Variants in FCHSD2 observed in about 807,000 individuals in gnomAD.
The protein encoded by FCHSD2 is F-BAR and double SH3 domains protein 2.
A neutral mutation model predicts 108.1 loss-of-function variants in FCHSD2; 38 were observed. The ratio of observed to expected loss-of-function variants is 0.35; its 90% CI spans 0.27 to 0.46. The LOEUF is 0.46. Among genes scored for constraint, FCHSD2 ranks in the 20% least tolerant of loss-of-function variants. FCHSD2 has a pLI of 1.00. For missense variants in FCHSD2, 751 were observed against 897.8 expected, an observed-to-expected ratio of 0.84 and a Z score of 2.09; for synonymous variants, 279 against 314.7, an observed-to-expected ratio of 0.89 and a Z score of 1.20.
chr11:72,961,063 C>CA (rs2135372468), intron 8 of FCHSD2, among the ~76,000 whole-genome samples: 1 of 152,244 alleles, frequency 6.6e-6, no homozygotes, highest in Admixed American at 6.5e-5. Flanking sequence ...TAGCACTGCT[C>CA]AAACCTAATG....
At chr11:73,080,427 C>T (rs1031173361) in intron 3 of FCHSD2, among the ~76,000 whole-genome samples, 1 of 150,732 alleles carries the variant, frequency 6.6e-6, no homozygotes, top group African/African-American at 2.4e-5. Flanking sequence ...CACACAGATA[C>T]ACAGCATAAA....
intron 14 of FCHSD2, among the ~76,000 whole-genome samples, chr11:72,844,866 G>A (rs185865193): frequency 6.6e-6 from 1 of 152,204 alleles, no homozygotes; most frequent in Admixed American, 6.5e-5. Flanking sequence ...CCAGATTCTG[G>A]ATGTTGCCAT....
chr11:72,990,777 C>T (rs1042121227), intron 5 of FCHSD2, among the ~76,000 whole-genome samples: 4 of 152,112 alleles, frequency 2.6e-5, no homozygotes, highest in African/African-American at 4.8e-5. Flanking sequence ...AAATTGACAA[C>T]CTAACATGAC....
intron 3 of FCHSD2, among the ~76,000 whole-genome samples, chr11:73,049,873 A>T (rs748757363): frequency 1.2e-5 from 1 of 81,818 alleles, no homozygotes; most frequent in Non-Finnish European, 3.2e-5. Flanking sequence ...AAAGGACCAT[A>T]AAAAAAAAAT....
intron 4 of FCHSD2, among the ~76,000 whole-genome samples, chr11:73,004,611 T>C (rs1392466272): frequency 1.5e-4 from 23 of 152,172 alleles, no homozygotes. Context: ...ATGTATGCCC[T>C]TTTTACCCTT....
intron 2 of FCHSD2, among the ~76,000 whole-genome samples, chr11:73,121,193 G>A (rs538514148): frequency 6.7e-6 from 1 of 150,300 alleles, no homozygotes; most frequent in East Asian, 1.9e-4. Context: ...ACACACACAC[G>A]CATGCACGCA....
At chr11:73,113,705 G>A (rs189078294) in intron 2 of FCHSD2, among the ~76,000 whole-genome samples, 38 of 152,258 alleles carry the variant, frequency 2.5e-4, no homozygotes, top group African/African-American at 7.7e-4. Context: ...CCAGGCATTT[G>A]AAGAAACACC....
At chr11:72,911,740 T>C (rs1161888544) in intron 9 of FCHSD2, among the ~76,000 whole-genome samples, 2 of 152,188 alleles carry the variant, frequency 1.3e-5, no homozygotes, top group African/African-American at 2.4e-5. Flanking sequence ...GTTAGTTACA[T>C]ATGTTCGCTT....
chr11:72,915,166 A>G (rs1267997839), intron 9 of FCHSD2, among the ~76,000 whole-genome samples: 1 of 152,140 alleles, frequency 6.6e-6, no homozygotes, highest in Non-Finnish European at 1.5e-5. Flanking sequence ...ACTGATCATT[A>G]CAGAAATGCA....
At chr11:73,136,324 G>A (rs905522309) in intron 2 of FCHSD2, among the ~76,000 whole-genome samples, 7 of 151,988 alleles carry the variant, frequency 4.6e-5, no homozygotes, top group African/African-American at 1.7e-4. Flanking sequence ...TGGGCACAGT[G>A]GCCTGACGGT....
At chr11:72,941,133 T>C in intron 8 of FCHSD2, 1 of 479,020 alleles carries the variant, frequency 2.1e-6, no homozygotes, top group Non-Finnish European at 3.8e-6. Flanking sequence ...GTTTGTAAAA[T>C]TCATACCTCA....
chr11:73,063,305 GA>G (rs1330955869), intron 3 of FCHSD2, among the ~76,000 whole-genome samples: 1 of 152,144 alleles, frequency 6.6e-6, no homozygotes, highest in Non-Finnish European at 1.5e-5. Flanking sequence ...ACATGGAAAG[GA>G]ACAACCGGTA....
At chr11:73,130,643 A>G (rs879503299) in intron 2 of FCHSD2, among the ~76,000 whole-genome samples, 3 of 152,238 alleles carry the variant, frequency 2.0e-5, no homozygotes, top group Non-Finnish European at 4.4e-5. Context: ...AGGTATTACC[A>G]AAACCCTAAT....
intron 8 of FCHSD2, among the ~76,000 whole-genome samples, chr11:72,954,418 A>G (rs2135362249): frequency 6.6e-6 from 1 of 151,922 alleles, no homozygotes; most frequent in East Asian, 1.9e-4. Context: ...ATTGCCCAGG[A>G]TGATCACAAA....
At chr11:73,097,610 G>T (rs1433520263) in intron 2 of FCHSD2, among the ~76,000 whole-genome samples, 1 of 141,906 alleles carries the variant, frequency 7.0e-6, no homozygotes, top group African/African-American at 2.6e-5. Context: ...TTCTTGTGAG[G>T]TGTTCTTTTT....
At chr11:73,058,477 T>C (rs900377250) in intron 3 of FCHSD2, among the ~76,000 whole-genome samples, 2 of 152,152 alleles carry the variant, frequency 1.3e-5, no homozygotes, top group Non-Finnish European at 2.9e-5. Flanking sequence ...TAACACATGA[T>C]AGAAAGATAC....
chr11:72,997,557 T>C (rs907395124), intron 5 of FCHSD2, among the ~76,000 whole-genome samples: 1 of 152,036 alleles, frequency 6.6e-6, no homozygotes, highest in Non-Finnish European at 1.5e-5. Context: ...GATAGTGAAA[T>C]TATATAATAG....
intron 5 of FCHSD2, among the ~76,000 whole-genome samples, chr11:73,000,018 T>C (rs896063312): frequency 6.6e-6 from 1 of 152,214 alleles, no homozygotes; most frequent in African/African-American, 2.4e-5. Flanking sequence ...TATACAAATA[T>C]GTTTAACTGA....
intron 4 of FCHSD2, among the ~76,000 whole-genome samples, chr11:73,003,042 A>C (rs1857658381): frequency 6.6e-6 from 1 of 152,226 alleles, no homozygotes; most frequent in South Asian, 2.1e-4. Flanking sequence ...AAGACTGTAC[A>C]ATAAAAAGAC....
Sources: allele counts gnomAD v4.1 joint callset (sites outside exome capture counted in the v4.1 genomes callset), GRCh38; gene constraint gnomAD v4.1.1; transcripts MANE v1.5; gene names NCBI Gene and HGNC (gene_info 2026-07-23, HGNC 2026-07-21).